CPPED1: variants seen among roughly 807,000 people sequenced by gnomAD.
The protein encoded by CPPED1 is serine/threonine-protein phosphatase CPPED1.
CPPED1 carries 28 observed loss-of-function variants against 28.0 expected under a neutral mutation model. That is an observed-to-expected ratio of 1.00 (90% CI 0.74 to 1.37). The LOEUF (loss-of-function observed/expected upper bound fraction) is 1.37, where lower values mean the gene tolerates loss of function less well. Among genes scored for constraint, CPPED1 ranks in the 40% most tolerant of loss-of-function variants. The pLI is 0.00. For missense variants in CPPED1, 504 were observed against 416.5 expected, an observed-to-expected ratio of 1.21 and a Z score of -1.83; for synonymous variants, 198 against 180.2, an observed-to-expected ratio of 1.10 and a Z score of -0.79.
intron 3 of CPPED1, among the ~76,000 whole-genome samples, chr16:12,692,004 C>G (rs769361326): frequency 1.3e-5 from 2 of 151,956 alleles, no homozygotes; most frequent in Non-Finnish European, 1.5e-5. Context: ...AAGGCATGCA[C>G]CACCATGCCT....
In CPPED1 at chr16:12,781,348, C is replaced by G. The variant is rs760977526; in HGVS notation, c.126G>C (p.Gln42His). ...PFYFILGADP[Q>H]FGLIKAWSTG... ...TGGACCAGGCCTTGATCAGCCCAAA[C>G]TGTGGGTCTGCGCCCAGGATGAAGT... The change falls in exon 2 of 4, where the codon CAG becomes CAC. Residue 42 changes from glutamine to histidine, a missense_variant. Transcript: ENST00000381774. The G allele has an allele frequency of 6.2e-7, 1 of 1,614,160 alleles. No homozygotes were observed. The highest frequency in any genetic ancestry group is 8.5e-7 in the Non-Finnish European group (1 of 1,180,048).
At chr16:12,677,927 C>T (rs761616516) in intron 3 of CPPED1, among the ~76,000 whole-genome samples, 20 of 152,312 alleles carry the variant, frequency 1.3e-4, no homozygotes, top group African/African-American at 2.2e-4. Flanking sequence ...TACTCAACTC[C>T]GCCTTCCTTT....
intron 1 of CPPED1, among the ~76,000 whole-genome samples, chr16:12,789,827 T>G (rs2080586045): frequency 6.6e-6 from 1 of 152,154 alleles, no homozygotes; most frequent in Non-Finnish European, 1.5e-5. Flanking sequence ...GCATCCAGCC[T>G]GGTTGCCATA....
chr16:12,675,927 T>C (rs1157541495), intron 3 of CPPED1, among the ~76,000 whole-genome samples: 1 of 152,218 alleles, frequency 6.6e-6, no homozygotes, highest in Non-Finnish European at 1.5e-5. Flanking sequence ...AGAATTTCCT[T>C]AGCAGGCTTT....
chr16:12,737,523 C>G (rs1248090150), intron 2 of CPPED1, among the ~76,000 whole-genome samples: 1 of 152,188 alleles, frequency 6.6e-6, no homozygotes, highest in South Asian at 2.1e-4. Context: ...CAACCGGCAG[C>G]CCCTGGAGGG....
chr16:12,779,652 A>G (rs2080518156), intron 2 of CPPED1, among the ~76,000 whole-genome samples: 1 of 152,032 alleles, frequency 6.6e-6, no homozygotes, highest in Non-Finnish European at 1.5e-5. Context: ...GGCCTCCCAA[A>G]GCACATAAGC....
Position 12,730,611 on chromosome 16 carries a change from AAC to A in CPPED1, c.290-25564_290-25563del, listed in dbSNP as rs567207738. Among the ~76,000 whole-genome samples the A allele has an allele frequency of 5.3e-3, 800 of 152,344 alleles. 7 individuals carry two copies. The highest frequency in any genetic ancestry group is 0.019 in the African/African-American group (773 of 41,586). On this transcript the variant is annotated intron_variant, in intron 2 of 3. Transcript: ENST00000381774. ...ATTAGATGGTATACTACATGGCTATAACACAGAACCAATTGCTGCTACATGTA... is the reference window on the plus strand; with the variant it reads ...ATTAGATGGTATACTACATGGCTATAACAGAACCAATTGCTGCTACATGTA...
At chr16:12,704,430 T>C (rs760106698) in intron 3 of CPPED1, among the ~76,000 whole-genome samples, 194 bp downstream of exon 3, 11 of 152,182 alleles carry the variant, frequency 7.2e-5, no homozygotes, top group Admixed American at 2.0e-4. Context: ...TCCTGTTTTA[T>C]AGACGAGGAA....
chr16:12,688,965 A>G (rs2079947954), intron 3 of CPPED1, among the ~76,000 whole-genome samples: 1 of 152,222 alleles, frequency 6.6e-6, no homozygotes, highest in East Asian at 1.9e-4. Context: ...AAATATGAAA[A>G]TGCACAAGCA....
chr16:12,676,372 C>G (rs766562270), intron 3 of CPPED1, among the ~76,000 whole-genome samples: 4 of 152,174 alleles, frequency 2.6e-5, no homozygotes, highest in Admixed American at 6.5e-5. Context: ...TAACAAAATG[C>G]AGAAATCGAC....
chr16:12,752,585 G>A (rs149951126), intron 2 of CPPED1, among the ~76,000 whole-genome samples: 1 of 148,276 alleles, frequency 6.7e-6, no homozygotes, highest in East Asian at 1.9e-4. Context: ...AAGACAGTAT[G>A]TAATGGTATG....
At chr16:12,696,549 C>A (rs1326312079) in intron 3 of CPPED1, among the ~76,000 whole-genome samples, 2 of 149,050 alleles carry the variant, frequency 1.3e-5, no homozygotes, top group African/African-American at 2.5e-5. Flanking sequence ...TCAAGTGATT[C>A]TCGTGCCTCA....
chr16:12,764,126 T>G (rs1376893560), intron 2 of CPPED1, among the ~76,000 whole-genome samples: 1 of 152,086 alleles, frequency 6.6e-6, no homozygotes, highest in Non-Finnish European at 1.5e-5. Flanking sequence ...TAACTGTAGC[T>G]TTCTCTGAGA....
At chr16:12,770,246 C>T (rs1295638541) in intron 2 of CPPED1, among the ~76,000 whole-genome samples, 1 of 152,134 alleles carries the variant, frequency 6.6e-6, no homozygotes, top group Non-Finnish European at 1.5e-5. Context: ...GGCGCTGAGG[C>T]AGATTCTAAA....
chr16:12,687,949 A>G (rs2079941685), intron 3 of CPPED1, among the ~76,000 whole-genome samples: 1 of 151,880 alleles, frequency 6.6e-6, no homozygotes, highest in East Asian at 1.9e-4. Context: ...ATGAAGGAAG[A>G]AGGAGGGAAG....
chr16:12,677,253 G>A (rs1229138703), intron 3 of CPPED1, among the ~76,000 whole-genome samples: 1 of 152,252 alleles, frequency 6.6e-6, no homozygotes, highest in Non-Finnish European at 1.5e-5. Flanking sequence ...TTCAGATTCT[G>A]GCTTGGCTAG....
intron 2 of CPPED1, among the ~76,000 whole-genome samples, chr16:12,766,562 A>C (rs1003481781): frequency 6.6e-6 from 1 of 152,038 alleles, no homozygotes; most frequent in African/African-American, 2.4e-5. Context: ...CCCACAACAC[A>C]TGGGAATTAT....
At chr16:12,702,898 G>C (rs1213271475) in intron 3 of CPPED1, among the ~76,000 whole-genome samples, 1 of 151,856 alleles carries the variant, frequency 6.6e-6, no homozygotes, top group Non-Finnish European at 1.5e-5. Context: ...TGTAATCCCA[G>C]GTACTCAGCA....
chr16:12,737,155 A>T lies in CPPED1; in HGVS notation c.290-32106T>A, dbSNP rs1469725461. 2.0e-5 allele frequency among the ~76,000 whole-genome samples: 3 copies of T among 152,014 alleles called. No individual in the cohort carries two copies. In the East Asian group the frequency reaches 5.8e-4, roughly 29 times the overall value. On this transcript the variant is annotated intron_variant, in intron 2 of 3. Transcript: ENST00000381774. The stretch of plus-strand genomic sequence containing the variant: ...CAGTGAGCTGAGATTGTGCCATTGC[A>T]CTCCAGTCTGGGCGAGAGAGTGAGA...
Sources: gnomAD v4.1 joint callset for allele counts (sites outside exome capture counted in the v4.1 genomes callset) on GRCh38, gnomAD v4.1.1 for gene constraint, MANE v1.5 for transcripts, NCBI Gene and HGNC (gene_info 2026-07-23, HGNC 2026-07-21) for gene names.